Variants in TEKT5 observed in about 807,000 individuals in gnomAD.
TEKT5 encodes the protein tektin 5.
In TEKT5, 52 loss-of-function variants were observed where a neutral mutation model predicts 48.7. The observed-to-expected ratio is 1.07, with a 90% CI of 0.86 to 1.35. The LOEUF (loss-of-function observed/expected upper bound fraction) is 1.35. Ranked by LOEUF, TEKT5 falls within the 40% of genes most tolerant of loss-of-function variation. The pLI is 0.00. For synonymous variants in TEKT5, 318 were observed against 267.6 expected (o/e 1.19, Z -1.84); for missense variants, 831 against 641.6 (o/e 1.30, Z -3.19).
rs189659412 is a variant in TEKT5, at chr16:10,658,282, G to C, written c.1086+17677C>G. Among the ~76,000 whole-genome samples, 30 of 152,230 alleles carry C rather than the reference G, an allele frequency of 2.0e-4. No individual in the cohort carries two copies. In the East Asian group the frequency reaches 5.6e-3, roughly 28 times the overall value. On this transcript the variant is annotated intron_variant, in intron 5 of 6. Transcript: ENST00000283025. ...CGTTCCTGGGAACGCCCATGAGAAA[G>C]AGTCCATATGTCCACCAAAAGATTT...
intron 1 of TEKT5, among the ~76,000 whole-genome samples, chr16:10,693,591 A>G (rs1406862288): frequency 2.0e-5 from 3 of 152,242 alleles, no homozygotes; most frequent in Non-Finnish European, 4.4e-5. Context: ...ATCAGTGACA[A>G]AGCAGGCAAA....
chr16:10,664,637 T>TG (rs1898429404), intron 5 of TEKT5, among the ~76,000 whole-genome samples: 1 of 152,242 alleles, frequency 6.6e-6, no homozygotes, highest in Non-Finnish European at 1.5e-5. Flanking sequence ...AATTCCAATG[T>TG]GGCACTAAGG....
At chr16:10,639,293 A>G (rs1277545944) in intron 5 of TEKT5, among the ~76,000 whole-genome samples, 3,378 of 151,528 alleles carry the variant, frequency 0.022, 126 homozygotes, top group African/African-American at 0.078. Flanking sequence ...GAGTCCAAAA[A>G]ACAAAAACCC....
chr16:10,648,580 T>TC (rs1468392189), intron 5 of TEKT5, among the ~76,000 whole-genome samples: 5 of 152,156 alleles, frequency 3.3e-5, no homozygotes, highest in Non-Finnish European at 7.4e-5. Context: ...GATCCGCCTA[T>TC]CTCGGCCTCC....
chr16:10,660,480 G>A (rs951516579), intron 5 of TEKT5, among the ~76,000 whole-genome samples: 1 of 151,948 alleles, frequency 6.6e-6, no homozygotes, highest in Non-Finnish European at 1.5e-5. Context: ...CAAACCAACT[G>A]TGGGGCCCAG....
intron 3 of TEKT5, among the ~76,000 whole-genome samples, chr16:10,687,340 T>C (rs1898880366): frequency 6.6e-6 from 1 of 152,214 alleles, no homozygotes; most frequent in Non-Finnish European, 1.5e-5. Flanking sequence ...TATACCACTT[T>C]TGTCAATTAA....
Position 10,669,346 on chromosome 16 carries a change from C to A in TEKT5, c.1086+6613G>T, listed in dbSNP as rs1596412567. ...AGGTGGTGCATGCCTGTAATCCCAG[C>A]TACTCGGAAAGCTGAGGCAGGAGAA... is the stretch of plus-strand genomic sequence containing the variant. On this transcript the variant is annotated intron_variant, in intron 5 of 6. Transcript: ENST00000283025. 1.3e-5 allele frequency among the ~76,000 whole-genome samples: 2 copies of A among 151,744 alleles called. 1 individual carries two copies. The highest frequency in any genetic ancestry group is 4.8e-5 in the African/African-American group (2 of 41,446).
At chr16:10,654,820 T>C (rs1006300118) in intron 5 of TEKT5, among the ~76,000 whole-genome samples, 1 of 151,760 alleles carries the variant, frequency 6.6e-6, no homozygotes, top group Non-Finnish European at 1.5e-5. Flanking sequence ...TCCTCTCAGA[T>C]ACATTTCTAT....
At chr16:10,668,872 T>C (rs1298253329) in intron 5 of TEKT5, among the ~76,000 whole-genome samples, 2 of 152,026 alleles carry the variant, frequency 1.3e-5, no homozygotes, top group African/African-American at 4.8e-5. Flanking sequence ...ATAATGCAAA[T>C]GAGGGAAGCG....
At chr16:10,687,724 G>C (rs906769503) in intron 3 of TEKT5, among the ~76,000 whole-genome samples, 13 of 152,276 alleles carry the variant, frequency 8.5e-5, no homozygotes, top group African/African-American at 3.1e-4. Context: ...CTGCACTCCA[G>C]TCTGGGCAGC....
chr16:10,663,329 T>A (rs1158362047), intron 5 of TEKT5, among the ~76,000 whole-genome samples: 1 of 152,160 alleles, frequency 6.6e-6, no homozygotes, highest in African/African-American at 2.4e-5. Flanking sequence ...TTATTTTTGA[T>A]GTGGAAGGAA....
At chr16:10,689,805 C>T in intron 2 of TEKT5, 137 bp downstream of exon 2, 2 of 777,540 alleles carry the variant, frequency 2.6e-6, no homozygotes, top group East Asian at 2.7e-5. Context: ...AGACCTCCAC[C>T]CATGCTTCCT....
At chr16:10,660,362 T>A (rs1898345329) in intron 5 of TEKT5, among the ~76,000 whole-genome samples, 2 of 152,010 alleles carry the variant, frequency 1.3e-5, no homozygotes. Flanking sequence ...GGTTTCATGT[T>A]AAGTAACTCC....
At chr16:10,650,614 T>C (rs1596405312) in intron 5 of TEKT5, among the ~76,000 whole-genome samples, 1 of 146,804 alleles carries the variant, frequency 6.8e-6, no homozygotes, top group South Asian at 2.2e-4. Context: ...GCCAGGTGGG[T>C]GGCTCACGCC....
At chr16:10,650,883 TAAA>T (rs546133425) in intron 5 of TEKT5, among the ~76,000 whole-genome samples, 4 of 130,700 alleles carry the variant, frequency 3.1e-5, no homozygotes, top group African/African-American at 8.4e-5. Context: ...AGACTCCATC[TAAA>T]AAAAAAAAAA....
chr16:10,656,371 C>T (rs1276824863), intron 5 of TEKT5, among the ~76,000 whole-genome samples: 3 of 152,224 alleles, frequency 2.0e-5, no homozygotes, highest in Non-Finnish European at 4.4e-5. Flanking sequence ...CCCACCTCAG[C>T]CTCCTGAGTA....
chr16:10,648,342 G>T (rs59583469), intron 5 of TEKT5, among the ~76,000 whole-genome samples: 2,905 of 151,778 alleles, frequency 0.019, 94 homozygotes, highest in African/African-American at 0.067. Context: ...TTTTGAGACA[G>T]AGTCTTGCTG....
chr16:10,654,495 G>C (rs574645734), intron 5 of TEKT5, among the ~76,000 whole-genome samples: 2 of 152,316 alleles, frequency 1.3e-5, no homozygotes, highest in African/African-American at 4.8e-5. Context: ...CGTTTGAATT[G>C]ATGAACTCTG....
Position 10,694,393 on chromosome 16 carries a change from T to C in TEKT5, c.481A>G (p.Arg161Gly), listed in dbSNP as rs1314478018. ...WKSELSYELD[R>G]LLTENQNLET... ...AAGTTCTGGTTCTCAGTCAGAAGCC[T>C]GTCCAGCTCATAGCTCAGCTCTGAC... Residue 161 changes from arginine to glycine, a missense_variant, in exon 1 of 7, where the codon AGG (arginine) becomes GGG (glycine). Physicochemically the swap from Arg to Gly is moderately radical, Grantham distance 125. Transcript: ENST00000283025. 1.2e-6 allele frequency: 2 copies of C among 1,614,154 alleles called. No homozygotes were observed. Among genetic ancestry groups the C allele is most frequent in the South Asian group, 1.1e-5 (1 of 91,080 alleles).
Sources: allele counts gnomAD v4.1 joint callset (sites outside exome capture counted in the v4.1 genomes callset), GRCh38; gene constraint gnomAD v4.1.1; transcripts MANE v1.5; gene names NCBI Gene and HGNC (gene_info 2026-07-23, HGNC 2026-07-21).